The following CDKAL1 variants were observed in gnomAD, a reference collection of about 807,000 sequenced individuals.
The protein encoded by CDKAL1 is threonylcarbamoyladenosine tRNA methylthiotransferase.
In CDKAL1, 32 loss-of-function variants were observed where a neutral mutation model predicts 68.2. The observed-to-expected ratio is 0.47, with a 90% CI of 0.35 to 0.63. The LOEUF (loss-of-function observed/expected upper bound fraction) is 0.63. Ranked by LOEUF, CDKAL1 falls within the 30% of genes least tolerant of loss-of-function variation. CDKAL1 has a pLI of 0.00. For missense variants in CDKAL1, 606 were observed against 696.7 expected (o/e 0.87, Z 1.47); for synonymous variants, 234 against 244.3 (o/e 0.96, Z 0.39).
At chr6:20,870,105 A>C (rs1278784078) in intron 9 of CDKAL1, among the ~76,000 whole-genome samples, 2 of 152,190 alleles carry the variant, frequency 1.3e-5, no homozygotes, top group Non-Finnish European at 2.9e-5. Context: ...CCAAAAATGG[A>C]AAACGAGAGA....
At chr6:20,790,813 T>C (rs1426898325) in intron 8 of CDKAL1, among the ~76,000 whole-genome samples, 2 of 152,158 alleles carry the variant, frequency 1.3e-5, no homozygotes, top group Non-Finnish European at 2.9e-5. Context: ...TTTCTCTCTC[T>C]CTGTGTGTCT....
intron 15 of CDKAL1, among the ~76,000 whole-genome samples, chr6:21,206,556 T>G (rs1237216820): frequency 6.6e-6 from 1 of 152,228 alleles, no homozygotes; most frequent in African/African-American, 2.4e-5. Context: ...ACATTTTCTC[T>G]TCTAATTTTA....
chr6:20,599,264 T>C (rs979187164), intron 4 of CDKAL1: 3 of 382,460 alleles, frequency 7.8e-6, no homozygotes, highest in African/African-American at 4.2e-5. Flanking sequence ...AGATATTAAG[T>C]AATAGATAAT....
chr6:20,544,105 A>G (rs184334711), intron 2 of CDKAL1, among the ~76,000 whole-genome samples: 12 of 152,220 alleles, frequency 7.9e-5, no homozygotes. Flanking sequence ...GACTTAGGTC[A>G]AGGTTCATTT....
At chr6:20,659,538 A>G (rs1282101056) in intron 5 of CDKAL1, among the ~76,000 whole-genome samples, 1 of 152,194 alleles carries the variant, frequency 6.6e-6, no homozygotes, top group African/African-American at 2.4e-5. Flanking sequence ...ATTGTCTCCC[A>G]ACAGTGCTAT....
At chr6:21,132,589 T>C (rs1257912959) in intron 13 of CDKAL1, among the ~76,000 whole-genome samples, 1 of 152,200 alleles carries the variant, frequency 6.6e-6, no homozygotes, top group Non-Finnish European at 1.5e-5. Flanking sequence ...CATGCCAAGT[T>C]ATGAGGGTCA....
intron 12 of CDKAL1, among the ~76,000 whole-genome samples, chr6:21,093,358 C>G (rs566743786): frequency 2.0e-5 from 3 of 152,286 alleles, no homozygotes; most frequent in South Asian, 2.1e-4. Context: ...TCTCAGGAAG[C>G]CTTTCCAGAA....
chr6:20,977,469 T>C (rs140718884), intron 10 of CDKAL1, among the ~76,000 whole-genome samples: 51 of 152,342 alleles, frequency 3.3e-4, no homozygotes, highest in African/African-American at 1.2e-3. Context: ...AGGCAAATTA[T>C]ATAACCCCTT....
chr6:21,189,345 A>G (rs1374852584), intron 13 of CDKAL1, among the ~76,000 whole-genome samples: 1 of 152,240 alleles, frequency 6.6e-6, no homozygotes, highest in Non-Finnish European at 1.5e-5. Flanking sequence ...CTACTAAGAT[A>G]CTCATGGCAA....
chr6:21,198,654 C>G (rs1252418291), intron 14 of CDKAL1, among the ~76,000 whole-genome samples: 1 of 152,224 alleles, frequency 6.6e-6, no homozygotes, highest in Non-Finnish European at 1.5e-5. Context: ...GGACTCAACT[C>G]TAATTGTATG....
intron 5 of CDKAL1, among the ~76,000 whole-genome samples, chr6:20,733,926 A>G (rs1215128565): frequency 6.6e-6 from 1 of 152,084 alleles, no homozygotes; most frequent in Non-Finnish European, 1.5e-5. Flanking sequence ...AGGTGGGTGG[A>G]TCCCTTGAGG....
chr6:20,830,105 C>G (rs1777653804), intron 8 of CDKAL1, among the ~76,000 whole-genome samples: 1 of 152,310 alleles, frequency 6.6e-6, no homozygotes, highest in Admixed American at 6.5e-5. Context: ...ATCCACCTGC[C>G]TCGGCCTCCC....
intron 11 of CDKAL1, among the ~76,000 whole-genome samples, chr6:21,062,798 A>G (rs765643357): frequency 2.6e-5 from 4 of 152,262 alleles, no homozygotes; most frequent in Non-Finnish European, 4.4e-5. Flanking sequence ...TAGGAATATA[A>G]TAATTTGACT....
intron 4 of CDKAL1, among the ~76,000 whole-genome samples, chr6:20,577,550 G>A (rs7752194): frequency 0.012 from 1,849 of 152,234 alleles, 17 homozygotes; most frequent in Non-Finnish European, 0.017. Context: ...TTTCAGTACC[G>A]TACATAATAG....
chr6:20,929,770 T>C (rs768623734), intron 9 of CDKAL1, among the ~76,000 whole-genome samples: 1 of 152,246 alleles, frequency 6.6e-6, no homozygotes, highest in East Asian at 1.9e-4. Flanking sequence ...CCACTGACAG[T>C]TGGGCTGCTG....
intron 2 of CDKAL1, among the ~76,000 whole-genome samples, chr6:20,537,873 G>T (rs1353510636): frequency 1.0e-5 from 1 of 95,594 alleles, no homozygotes; most frequent in Non-Finnish European, 2.0e-5. Context: ...AATTTCTGAA[G>T]GCTAAACAAT....
chr6:20,936,046 A>G (rs1430908728), intron 9 of CDKAL1, among the ~76,000 whole-genome samples: 1 of 152,146 alleles, frequency 6.6e-6, no homozygotes, highest in African/African-American at 2.4e-5. Context: ...ATAGAAATGT[A>G]ATGCATTTTA....
chr6:20,895,177 A>G (rs2150585713), intron 9 of CDKAL1, among the ~76,000 whole-genome samples: 1 of 152,266 alleles, frequency 6.6e-6, no homozygotes, highest in South Asian at 2.1e-4. Context: ...TTATGGACCT[A>G]TCCATATTTG....
chr6:21,160,690 AAT>A (rs1202173632), intron 13 of CDKAL1, among the ~76,000 whole-genome samples: 9 of 134,858 alleles, frequency 6.7e-5, no homozygotes, highest in African/African-American at 2.5e-4. Context: ...TGTGTCCAAA[AAT>A]ATATATATAT....
Sources: gnomAD v4.1 joint callset for allele counts (sites outside exome capture counted in the v4.1 genomes callset) on GRCh38, gnomAD v4.1.1 for gene constraint, MANE v1.5 for transcripts, NCBI Gene and HGNC (gene_info 2026-07-23, HGNC 2026-07-21) for gene names.